The following DCAF8 variants were observed in gnomAD, a reference collection of about 807,000 sequenced individuals.
The protein encoded by DCAF8 is DDB1 and CUL4 associated factor 8, also known as DDB1- and CUL4-associated factor 8.
A neutral mutation model predicts 68.0 loss-of-function variants in DCAF8; 20 were observed. The ratio of observed to expected loss-of-function variants is 0.29; its 90% confidence interval spans 0.21 to 0.43. DCAF8 has a LOEUF of 0.43. Ranked by LOEUF, DCAF8 falls within the 20% of genes least tolerant of loss-of-function variation. The pLI is 1.00. For synonymous variants in DCAF8, 230 were observed against 276.9 expected, an observed-to-expected ratio of 0.83 and a Z score of 1.68; for missense variants, 460 against 771.0, an observed-to-expected ratio of 0.60 and a Z score of 4.78.
intron 2 of DCAF8, among the ~76,000 whole-genome samples, chr1:160,253,986 A>G (rs140418367): frequency 3.9e-5 from 6 of 152,322 alleles, no homozygotes; most frequent in African/African-American, 7.2e-5. Flanking sequence ...TCTCCAGTAA[A>G]GAATCATAAA....
intron 9 of DCAF8, 89 bp downstream of exon 9, chr1:160,224,973 G>T: frequency 8.0e-7 from 1 of 1,245,124 alleles, no homozygotes; most frequent in South Asian, 1.2e-5. Context: ...GCACAGTGGT[G>T]AGCACTGGAG....
chr1:160,245,610 A>C (rs1180464522), intron 2 of DCAF8, among the ~76,000 whole-genome samples: 2 of 152,244 alleles, frequency 1.3e-5, no homozygotes. Flanking sequence ...AGGAAGGGAC[A>C]CCTGGAAGGG....
At chr1:160,219,003 G>A in intron 11 of DCAF8, 35 bp from the exon 12 acceptor site, 2 of 1,612,640 alleles carry the variant, frequency 1.2e-6, no homozygotes, top group Non-Finnish European at 1.7e-6. Context: ...AGACTCAGCA[G>A]TGTGTGGGAG....
rs562233349 is a variant in DCAF8 at position 160,246,069 on chromosome 1, C to T, written c.-26-2035G>A. On this transcript the variant is annotated intron_variant, in intron 2 of 13. Coordinates refer to ENST00000368074, the MANE Select transcript of DCAF8 (RefSeq NM_015726.4). ...AGGGGAATTGCTTGAACCTGGGAGG[C>T]GGAGGTTGTGGTGAGCCGAGATCGT... Among the ~76,000 whole-genome samples the T allele has an allele frequency of 1.8e-4, 28 of 151,824 alleles. 1 individual carries two copies. The East Asian group carries it at 4.7e-3, about 25-fold the overall frequency.
At chr1:160,218,118 T>C in intron 13 of DCAF8, 2 of 627,416 alleles carry the variant, frequency 3.2e-6, no homozygotes, top group Admixed American at 2.6e-5. Flanking sequence ...GCATTACACA[T>C]GGACGGCAAT....
rs74597280 is a variant in DCAF8, at chr1:160,227,230, G to C, written c.1071-1567C>G. 1.8e-3 allele frequency among the ~76,000 whole-genome samples: 276 copies of C among 152,302 alleles called. 4 individuals carry two copies. The East Asian group carries it at 0.027, about 15-fold the overall frequency. ...ACACCCATGAACAACACTGAGGAGT[G>C]GTTGGACATCAAGGAGAGAAGGTGC... On this transcript the variant is annotated intron_variant, in intron 7 of 13. Transcript: ENST00000368074.
intron 2 of DCAF8, among the ~76,000 whole-genome samples, chr1:160,252,480 A>C (rs1656635632): frequency 6.6e-6 from 1 of 152,232 alleles, no homozygotes; most frequent in South Asian, 2.1e-4. Context: ...TAAAAACCTG[A>C]CATGGTCAAG....
chr1:160,252,829 G>A (rs369225026), intron 2 of DCAF8, among the ~76,000 whole-genome samples: 5 of 152,126 alleles, frequency 3.3e-5, no homozygotes, highest in East Asian at 1.9e-4. Flanking sequence ...TTAGTCTGGC[G>A]CCCAGAGAAA....
chr1:160,248,149 A>C (rs935537009), intron 2 of DCAF8, among the ~76,000 whole-genome samples: 5 of 152,048 alleles, frequency 3.3e-5, no homozygotes, highest in Non-Finnish European at 7.4e-5. Flanking sequence ...TCTACTAAAA[A>C]TACAAAAATT....
At position 160,217,341 on chromosome 1, in the gene DCAF8, T is replaced by C. The variant is rs1427386415; in HGVS notation, c.*251A>G. On this transcript the variant is annotated 3_prime_UTR_variant, in exon 14 of 14. Transcript: ENST00000368074. ...TCCCTCTCCTCTCAAAAAGAGGCTT[T>C]GGGGAGAGGCCATTTCTGCCGAGTC... 1 of 388,990 alleles carries C rather than the reference T, an allele frequency of 2.6e-6. No homozygotes were observed. The highest frequency in any genetic ancestry group is 4.6e-6 in the Non-Finnish European group (1 of 219,562). 24.1% of individuals were successfully genotyped at this position (388,990 alleles called of 1,614,324 possible). A position where few individuals can be genotyped will look rare whatever the true frequency, so the allele number is the denominator to read the frequency against.
chr1:160,259,304 G>A (rs577267101), intron 2 of DCAF8, among the ~76,000 whole-genome samples: 1 of 152,262 alleles, frequency 6.6e-6, no homozygotes, highest in East Asian at 1.9e-4. Flanking sequence ...GGAGGCTGAG[G>A]CGGGCAGATC....
intron 5 of DCAF8, among the ~76,000 whole-genome samples, chr1:160,237,638 C>A (rs903607992): frequency 2.0e-5 from 3 of 152,154 alleles, no homozygotes; most frequent in Non-Finnish European, 4.4e-5. Flanking sequence ...GTGATCCTCC[C>A]ACCTCAGCTG....
chr1:160,243,751 A>G (rs1656212302), intron 3 of DCAF8, among the ~76,000 whole-genome samples: 1 of 152,202 alleles, frequency 6.6e-6, no homozygotes, highest in South Asian at 2.1e-4. Flanking sequence ...CAGCTCTGTT[A>G]TTGATATTTT....
At position 160,240,054 on chromosome 1, in the gene DCAF8, C is replaced by T. The variant is rs1656041769; in HGVS notation, c.366G>A (p.Arg122=). ...CTGATGAGTCCTGGTCACGGTTAGCCCGCTTGCGCTGTACACGGCGCCGAG... is the reference window on the plus strand; with the variant it reads ...CTGATGAGTCCTGGTCACGGTTAGCTCGCTTGCGCTGTACACGGCGCCGAG... ...EQPRRRVQRK[R]ANRDQDSSDD... Residue 122 remains arginine, a synonymous_variant, in exon 4 of 14, where the codon CGG becomes CGA. Transcript: ENST00000368074. 1.2e-6 allele frequency: 2 copies of T among 1,614,242 alleles called. No homozygotes were observed. Among genetic ancestry groups the T allele is most frequent in the Non-Finnish European group, 1.7e-6 (2 of 1,180,036 alleles).
intron 3 of DCAF8, among the ~76,000 whole-genome samples, chr1:160,242,176 T>G (rs1656141542): frequency 6.9e-6 from 1 of 145,286 alleles, no homozygotes; most frequent in African/African-American, 2.6e-5. Flanking sequence ...ACCTGGGAGG[T>G]GGAGGCTGCA....
intron 2 of DCAF8, among the ~76,000 whole-genome samples, chr1:160,254,774 G>A (rs1276445974): frequency 1.3e-5 from 2 of 151,432 alleles, no homozygotes; most frequent in Non-Finnish European, 2.9e-5. Context: ...TGGCGACAAA[G>A]CAAGACTCCA....
At chr1:160,239,419 A>G in intron 4 of DCAF8, 1 of 1,423,616 alleles carries the variant, frequency 7.0e-7, no homozygotes, top group Non-Finnish European at 9.1e-7. Flanking sequence ...GTTTGGTTCA[A>G]GAGCCTGTGC....
At chr1:160,256,070 C>A (rs1656825828) in intron 2 of DCAF8, among the ~76,000 whole-genome samples, 1 of 133,256 alleles carries the variant, frequency 7.5e-6, no homozygotes, top group African/African-American at 2.9e-5. Flanking sequence ...TGTTGCCAGC[C>A]TGAAACTCCT....
intron 2 of DCAF8, among the ~76,000 whole-genome samples, chr1:160,257,977 C>T (rs1311940802): frequency 6.6e-6 from 1 of 152,214 alleles, no homozygotes. Flanking sequence ...GATCCTCCCA[C>T]CTTGGCCTCC....
Sources: gnomAD v4.1 joint callset for allele counts (sites outside exome capture counted in the v4.1 genomes callset) on GRCh38, gnomAD v4.1.1 for gene constraint, MANE v1.5 for transcripts, NCBI Gene and HGNC (gene_info 2026-07-23, HGNC 2026-07-21) for gene names.